Variants in RAB3C observed in about 807,000 individuals in gnomAD.
RAB3C encodes ras-related protein Rab-3C.
Under a neutral mutation model 26.4 loss-of-function variants are expected in RAB3C, and 17 were observed. That is an observed-to-expected ratio of 0.64 (90% CI 0.44 to 0.97). The LOEUF (loss-of-function observed/expected upper bound fraction) is 0.97. Among genes scored for constraint, RAB3C ranks in the 50% least tolerant of loss-of-function variants. The probability of loss-of-function intolerance (pLI) is 0.00; values close to 1 mark genes in which losing one functional copy is unlikely to be tolerated. For synonymous variants in RAB3C, 91 were observed against 95.9 expected (o/e 0.95, Z 0.30); for missense variants, 242 against 281.9 (o/e 0.86, Z 1.01).
rs1046810516 is a variant in RAB3C, at chr5:58,621,734, C to T, written c.252+3864C>T. ...GGGATTACAGGTGTGTGCCAGCACA[C>T]CTGGTTAATTTTTATATTTTTAGGG... is the stretch of plus-strand genomic sequence containing the variant. On this transcript the variant is annotated intron_variant, in intron 2 of 4. Transcript: ENST00000282878. Among the ~76,000 whole-genome samples, 3 of 152,058 alleles carry T rather than the reference C, an allele frequency of 2.0e-5. No homozygotes were observed. The East Asian group carries it at 5.8e-4, about 29-fold the overall frequency.
At chr5:58,617,366 C>T in intron 1 of RAB3C, 1 of 617,740 alleles carries the variant, frequency 1.6e-6, no homozygotes, top group Non-Finnish European at 3.0e-6. Flanking sequence ...TTATAGACAT[C>T]CCCTTTGGTG....
rs780502582 is a variant in RAB3C at position 58,726,034 on chromosome 5, C to T, written c.285C>T (p.Ile95=). ...DTAGQERYRT[I]TTAYYRGAMG... ...CAGGCCAGGAAAGATACAGGACTATCACCACAGCCTATTATCGTGGAGCCA... is the reference window on the plus strand; with the variant it reads ...CAGGCCAGGAAAGATACAGGACTATTACCACAGCCTATTATCGTGGAGCCA... The change falls in exon 3 of 5, where the codon ATC becomes ATT. Residue 95 remains isoleucine (I), a synonymous_variant. Transcript: ENST00000282878. The T allele has an allele frequency of 3.7e-6, 6 of 1,605,292 alleles. No homozygotes were observed. In the South Asian group the frequency reaches 6.7e-5, roughly 18 times the overall value.
chr5:58,641,017 G>A (rs186415286), intron 2 of RAB3C, among the ~76,000 whole-genome samples: 4 of 152,098 alleles, frequency 2.6e-5, no homozygotes, highest in African/African-American at 9.7e-5. Context: ...AACCATCCTG[G>A]AGCCATGTTC....
At chr5:58,613,593 T>G (rs1162802558) in intron 1 of RAB3C, among the ~76,000 whole-genome samples, 1 of 152,036 alleles carries the variant, frequency 6.6e-6, no homozygotes, top group Non-Finnish European at 1.5e-5. Flanking sequence ...CATAAAAAAA[T>G]AAGTTGTCAA....
chr5:58,856,273 G>T lies in RAB3C; in HGVS notation c.*4922G>T, dbSNP rs1273326121. ...TAATTTCCTCCAAACAGAGAGAGTG[G>T]AGGGGAAATAAATTTTGCAAGCATT... On this transcript the variant is annotated 3_prime_UTR_variant, in exon 5 of 5. Transcript: ENST00000282878. The T allele has an allele frequency of 6.6e-6, 1 of 151,612 alleles. No individual in the cohort carries two copies. Among genetic ancestry groups the T allele is most frequent in the Non-Finnish European group, 1.5e-5 (1 of 67,954 alleles). The allele number at this position is 151,612 out of a possible 1,614,324, so 9.4% of individuals were successfully genotyped here.
chr5:58,609,711 T>C (rs1262030670), intron 1 of RAB3C, among the ~76,000 whole-genome samples: 1 of 152,180 alleles, frequency 6.6e-6, no homozygotes, highest in East Asian at 1.9e-4. Flanking sequence ...TACCATAATT[T>C]GGCATACTAT....
intron 3 of RAB3C, among the ~76,000 whole-genome samples, chr5:58,779,642 C>T (rs1579914427): frequency 6.6e-6 from 1 of 151,970 alleles, no homozygotes; most frequent in African/African-American, 2.4e-5. Context: ...CCCATCTTGG[C>T]CTCCCAAACT....
chr5:58,808,025 A>C (rs1428013967), intron 3 of RAB3C, among the ~76,000 whole-genome samples: 3 of 152,056 alleles, frequency 2.0e-5, no homozygotes, highest in Non-Finnish European at 2.9e-5. Flanking sequence ...GGAGATCGAG[A>C]CCATCCTGCC....
chr5:58,592,253 C>T (rs1475610246), intron 1 of RAB3C, among the ~76,000 whole-genome samples: 1 of 151,946 alleles, frequency 6.6e-6, no homozygotes, highest in African/African-American at 2.4e-5. Context: ...GTTTATCCTA[C>T]GGATTACAAT....
intron 2 of RAB3C, among the ~76,000 whole-genome samples, chr5:58,621,362 G>T (rs185322482): frequency 2.0e-5 from 3 of 152,146 alleles, no homozygotes; most frequent in Non-Finnish European, 2.9e-5. Context: ...GAGGCTAAGC[G>T]ATTTGACCTT....
intron 2 of RAB3C, among the ~76,000 whole-genome samples, chr5:58,622,198 T>C (rs774456237): frequency 6.6e-6 from 1 of 152,100 alleles, no homozygotes; most frequent in Non-Finnish European, 1.5e-5. Context: ...CTCAGTTGCC[T>C]GGCACTTAAT....
chr5:58,822,377 T>C (rs1034031600), intron 3 of RAB3C: 2 of 152,606 alleles, frequency 1.3e-5, no homozygotes, highest in African/African-American at 4.8e-5. Context: ...CTTAAGTTAT[T>C]CTAAGGATTA....
intron 3 of RAB3C, among the ~76,000 whole-genome samples, chr5:58,774,708 A>G (rs936803888): frequency 6.6e-6 from 1 of 152,138 alleles, no homozygotes; most frequent in Non-Finnish European, 1.5e-5. Flanking sequence ...GCAGCTAGAT[A>G]TAGGTGACAT....
intron 3 of RAB3C, among the ~76,000 whole-genome samples, chr5:58,789,192 T>C (rs569777887): frequency 6.6e-6 from 1 of 152,232 alleles, no homozygotes; most frequent in African/African-American, 2.4e-5. Flanking sequence ...GGTTATGCCT[T>C]ATCACCGCTG....
At chr5:58,829,402 A>AG (rs5868140) in intron 4 of RAB3C, among the ~76,000 whole-genome samples, 91,367 of 151,848 alleles carry the variant, frequency 0.6, 27,754 homozygotes, top group Middle Eastern at 0.73. Context: ...CTAAAATAGA[A>AG]TAATTTATCT....
chr5:58,583,246 G>C lies in RAB3C; in HGVS notation c.24+14G>C. ...GCGCCCATGCAGGTGGGTCCATAAAGAAAGAGTGGCCTCGGGAGGAATTGA... is the reference window on the plus strand; with the variant it reads ...GCGCCCATGCAGGTGGGTCCATAAACAAAGAGTGGCCTCGGGAGGAATTGA... On this transcript the variant is annotated intron_variant, in intron 1 of 4. Transcript: ENST00000282878. The C allele has an allele frequency of 6.2e-7, 1 of 1,614,192 alleles. No individual in the cohort carries two copies. Among genetic ancestry groups the C allele is most frequent in the Non-Finnish European group, 8.5e-7 (1 of 1,180,030 alleles).
intron 2 of RAB3C, among the ~76,000 whole-genome samples, chr5:58,626,115 GTTTTC>G (rs1272345003): frequency 6.6e-6 from 1 of 152,158 alleles, no homozygotes; most frequent in Admixed American, 6.5e-5. Context: ...TACTTAGTAT[GTTTTC>G]TTTTCTTTCT....
intron 3 of RAB3C, among the ~76,000 whole-genome samples, chr5:58,796,909 A>G (rs748124878): frequency 3.5e-4 from 53 of 151,896 alleles, no homozygotes; most frequent in Non-Finnish European, 6.6e-4. Flanking sequence ...AGAGATAGGC[A>G]TGGAATGGAT....
chr5:58,819,205 A>C (rs1436949317), intron 3 of RAB3C, among the ~76,000 whole-genome samples: 1 of 152,222 alleles, frequency 6.6e-6, no homozygotes, highest in Admixed American at 6.5e-5. Context: ...CAACAGCCCC[A>C]GAGCATGTAA....
Sources: gnomAD v4.1 joint callset for allele counts (sites outside exome capture counted in the v4.1 genomes callset) on GRCh38, gnomAD v4.1.1 for gene constraint, MANE v1.5 for transcripts, NCBI Gene and HGNC (gene_info 2026-07-23, HGNC 2026-07-21) for gene names.